Variants in ADK observed in about 807,000 individuals in gnomAD.
The protein encoded by ADK is adenosine kinase, also known as N6,N6-dimethyladenosine kinase.
A neutral mutation model predicts 44.7 loss-of-function variants in ADK; 24 were observed. That is an observed-to-expected ratio of 0.54 (90% confidence interval 0.39 to 0.76). The LOEUF (loss-of-function observed/expected upper bound fraction) is 0.76. Among genes scored for constraint, ADK ranks in the 30% least tolerant of loss-of-function variants. The pLI is 0.00. For synonymous variants in ADK, 128 were observed against 142.6 expected, an observed-to-expected ratio of 0.90 and a Z score of 0.73; for missense variants, 321 against 425.1, an observed-to-expected ratio of 0.76 and a Z score of 2.15.
intron 10 of ADK, among the ~76,000 whole-genome samples, chr10:74,690,193 A>G (rs1855937245): frequency 6.6e-6 from 1 of 152,188 alleles, no homozygotes; most frequent in Non-Finnish European, 1.5e-5. Context: ...TCTATTTATT[A>G]TAGTATAAAA....
intron 3 of ADK, among the ~76,000 whole-genome samples, chr10:74,231,413 T>C (rs1367289558): frequency 6.6e-6 from 1 of 152,162 alleles, no homozygotes; most frequent in East Asian, 1.9e-4. Context: ...ATGTATGATA[T>C]TTTCGCTGGA....
intron 9 of ADK, among the ~76,000 whole-genome samples, chr10:74,647,648 G>C (rs1057014811): frequency 6.6e-6 from 1 of 152,058 alleles, no homozygotes. Flanking sequence ...TAAATAACTT[G>C]TATGCAAACG....
At chr10:74,179,629 C>T (rs76036256) in intron 1 of ADK, among the ~76,000 whole-genome samples, 2,723 of 152,206 alleles carry the variant, frequency 0.018, 42 homozygotes, top group Non-Finnish European at 0.026. Context: ...CAGACCTTAC[C>T]CTATATAGTC....
intron 6 of ADK, among the ~76,000 whole-genome samples, chr10:74,447,428 A>G (rs1330986098): frequency 2.0e-5 from 3 of 152,170 alleles, no homozygotes; most frequent in African/African-American, 7.2e-5. Context: ...ACGCCATTAC[A>G]AATATGAATT....
intron 3 of ADK, among the ~76,000 whole-genome samples, chr10:74,281,778 T>C (rs964811478): frequency 6.6e-6 from 1 of 152,256 alleles, no homozygotes; most frequent in African/African-American, 2.4e-5. Flanking sequence ...TTAGTTATTA[T>C]TGTTTTTTAC....
At chr10:74,465,889 G>C (rs913577362) in intron 6 of ADK, among the ~76,000 whole-genome samples, 1 of 151,976 alleles carries the variant, frequency 6.6e-6, no homozygotes, top group African/African-American at 2.4e-5. Context: ...TAATTTTTTT[G>C]TCTCAAACTT....
At chr10:74,392,635 G>A (rs1843374289) in intron 4 of ADK, among the ~76,000 whole-genome samples, 1 of 152,064 alleles carries the variant, frequency 6.6e-6, no homozygotes, top group South Asian at 2.1e-4. Context: ...CAGAAGTTAA[G>A]CTTGATATAA....
At chr10:74,337,909 C>T (rs1841461477) in intron 4 of ADK, among the ~76,000 whole-genome samples, 1 of 151,922 alleles carries the variant, frequency 6.6e-6, no homozygotes, top group Non-Finnish European at 1.5e-5. Context: ...ATTACAGGCA[C>T]CTGCCACCAC....
intron 1 of ADK, among the ~76,000 whole-genome samples, chr10:74,189,337 T>G (rs985811989): frequency 3.9e-4 from 60 of 152,310 alleles, no homozygotes; most frequent in Non-Finnish European, 7.2e-4. Flanking sequence ...GTACCATATA[T>G]CTGTAAATGA....
rs182893465 is a variant in ADK, at chr10:74,240,298, A to G, written c.194+15707A>G. Among the ~76,000 whole-genome samples the G allele has an allele frequency of 5.3e-5, 8 of 152,194 alleles. No homozygotes were observed. The East Asian group carries it at 1.5e-3, about 29-fold the overall frequency. On this transcript the variant is annotated intron_variant, in intron 3 of 10. Coordinates refer to ENST00000539909, the MANE Select transcript of ADK (RefSeq NM_006721.4). ...CAGTAATAATGCTGTCATTTCTTAA[A>G]GATGATATATAATCCTATCAAAATA...
chr10:74,179,764 C>T (rs772327870), intron 1 of ADK, among the ~76,000 whole-genome samples: 4 of 152,198 alleles, frequency 2.6e-5, no homozygotes, highest in Non-Finnish European at 5.9e-5. Flanking sequence ...CTTAGTTGAG[C>T]AGCCCATACC....
At chr10:74,441,790 A>G (rs1336941878) in intron 6 of ADK, among the ~76,000 whole-genome samples, 1 of 152,232 alleles carries the variant, frequency 6.6e-6, no homozygotes, top group East Asian at 1.9e-4. Flanking sequence ...AATGGGAGAA[A>G]ATATTTGTAA....
intron 7 of ADK, among the ~76,000 whole-genome samples, chr10:74,551,734 G>T (rs1024165386): frequency 3.3e-5 from 5 of 152,156 alleles, no homozygotes; most frequent in Middle Eastern, 3.4e-3. Context: ...GGCCATATTT[G>T]TTCTCATTTT....
intron 6 of ADK, among the ~76,000 whole-genome samples, chr10:74,487,145 A>G (rs1488584575): frequency 6.6e-6 from 1 of 152,116 alleles, no homozygotes; most frequent in African/African-American, 2.4e-5. Context: ...CAAAATCACT[A>G]ATTTTTAAAA....
chr10:74,619,012 T>TTGTGTGTGTGTGTG (rs56168944), intron 9 of ADK, among the ~76,000 whole-genome samples: 53 of 139,474 alleles, frequency 3.8e-4, no homozygotes, highest in African/African-American at 1.2e-3. Flanking sequence ...TTTATGCTCT[T>TTGTGTGTGTGTGTG]TGTGTGTGTG....
intron 6 of ADK, among the ~76,000 whole-genome samples, chr10:74,401,808 G>T (rs1041652059): frequency 6.6e-6 from 1 of 152,090 alleles, no homozygotes; most frequent in Non-Finnish European, 1.5e-5. Flanking sequence ...TATTTTGCTC[G>T]TTAGTTGATG....
At chr10:74,318,873 A>G (rs952305940) in intron 4 of ADK, among the ~76,000 whole-genome samples, 6 of 152,194 alleles carry the variant, frequency 3.9e-5, no homozygotes, top group Non-Finnish European at 1.5e-5. Context: ...TTAAAATCCT[A>G]AGTATTCTAT....
At position 74,334,705 on chromosome 10, in the gene ADK, A is replaced by T. The variant is rs1010535304; in HGVS notation, c.273+19960A>T. Among the ~76,000 whole-genome samples, 6 of 152,134 alleles carry T rather than the reference A, an allele frequency of 3.9e-5. No homozygotes were observed. In the South Asian group the frequency reaches 6.2e-4, roughly 16 times the overall value. ...GGTTCCTGCTTCTGGCCAACAACCT[A>T]TGAGTGATTTTTTAGGTCTGATCAT... On this transcript the variant is annotated intron_variant, in intron 4 of 10. Transcript: ENST00000539909.
At chr10:74,362,428 T>C (rs1049588353) in intron 4 of ADK, among the ~76,000 whole-genome samples, 4 of 152,156 alleles carry the variant, frequency 2.6e-5, no homozygotes, top group Admixed American at 1.3e-4. Context: ...GAGTCTCTTA[T>C]ATTTCTTTCA....
Sources: allele counts gnomAD v4.1 joint callset (sites outside exome capture counted in the v4.1 genomes callset), GRCh38; gene constraint gnomAD v4.1.1; transcripts MANE v1.5; gene names NCBI Gene and HGNC (gene_info 2026-07-23, HGNC 2026-07-21).